Variants in STAG1 observed in about 807,000 individuals in gnomAD.
STAG1 encodes STAG1 cohesin complex component, also known as cohesin subunit SA-1.
A neutral mutation model predicts 170.9 loss-of-function variants in STAG1; 26 were observed. The ratio of observed to expected loss-of-function variants is 0.15; its 90% CI spans 0.11 to 0.21. The LOEUF (loss-of-function observed/expected upper bound fraction) is 0.21, where lower values mean the gene tolerates loss of function less well. Among genes scored for constraint, STAG1 ranks in the 10% least tolerant of loss-of-function variants. The pLI is 1.00. For missense variants in STAG1, 964 were observed against 1,509.5 expected, an observed-to-expected ratio of 0.64 and a Z score of 5.99; for synonymous variants, 514 against 497.7, an observed-to-expected ratio of 1.03 and a Z score of -0.44.
At chr3:136,550,311 CTT>C (rs150817952) in intron 5 of STAG1, among the ~76,000 whole-genome samples, 19 of 141,336 alleles carry the variant, frequency 1.3e-4, no homozygotes, top group East Asian at 2.0e-4. Flanking sequence ...TCTGTTCAGC[CTT>C]TTTTTTTTTT....
intron 1 of STAG1, among the ~76,000 whole-genome samples, chr3:136,708,942 C>T (rs1431947299): frequency 6.7e-6 from 1 of 148,724 alleles, no homozygotes; most frequent in Non-Finnish European, 1.5e-5. Context: ...GTAGTTGGAC[C>T]ACAGGCATGT....
chr3:136,375,070 G>T (rs1173343780), intron 23 of STAG1, among the ~76,000 whole-genome samples: 1 of 152,122 alleles, frequency 6.6e-6, no homozygotes, highest in East Asian at 1.9e-4. Context: ...GCATGTGGTA[G>T]GCAATACCAT....
chr3:136,748,329 C>T (rs1016318763), intron 1 of STAG1, among the ~76,000 whole-genome samples: 22 of 152,014 alleles, frequency 1.4e-4, no homozygotes, highest in Middle Eastern at 3.4e-3. Flanking sequence ...TGAACCCAGG[C>T]GGTGGAGGTT....
At chr3:136,415,322 AC>A (rs1444512727) in intron 21 of STAG1, among the ~76,000 whole-genome samples, 1 of 58,862 alleles carries the variant, frequency 1.7e-5, no homozygotes, top group Non-Finnish European at 3.7e-5. Context: ...TAAAAAAAAA[AC>A]AAAAGACAAA....
Position 136,511,126 on chromosome 3 carries a change from C to T in STAG1, c.677-8347G>A, listed in dbSNP as rs963876219. 3.9e-5 allele frequency among the ~76,000 whole-genome samples: 6 copies of T among 152,162 alleles called. No individual in the cohort carries two copies. The East Asian group carries it at 9.6e-4, about 24-fold the overall frequency. Reference sequence around the variant, plus strand: ...CATTTCCCCTGCTTGCACTCACTTCCATCCAGCTGCCCTGTGAAGAATGTG... The same window carrying T: ...CATTTCCCCTGCTTGCACTCACTTCTATCCAGCTGCCCTGTGAAGAATGTG... On this transcript the variant is annotated intron_variant, in intron 7 of 33. Transcript: ENST00000383202.
At chr3:136,677,261 C>T (rs1942154640) in intron 1 of STAG1, among the ~76,000 whole-genome samples, 13 of 152,114 alleles carry the variant, frequency 8.5e-5, no homozygotes, top group Admixed American at 8.5e-4. Flanking sequence ...TTTATACCAG[C>T]ATCACCACAA....
chr3:136,394,929 ACT>A (rs1221008505), intron 22 of STAG1, among the ~76,000 whole-genome samples: 3 of 136,068 alleles, frequency 2.2e-5, no homozygotes, highest in Non-Finnish European at 4.6e-5. Context: ...CTCTAGCGAG[ACT>A]CTGTCTCAAA....
chr3:136,383,569 T>G (rs916906676), intron 22 of STAG1, among the ~76,000 whole-genome samples: 1 of 152,204 alleles, frequency 6.6e-6, no homozygotes, highest in African/African-American at 2.4e-5. Context: ...CACTTACTAC[T>G]TGCCAGGCAC....
chr3:136,616,675 A>G (rs1939611204), intron 3 of STAG1, among the ~76,000 whole-genome samples: 1 of 152,108 alleles, frequency 6.6e-6, no homozygotes, highest in Non-Finnish European at 1.5e-5. Context: ...TAGGAGTCCT[A>G]CTGGGCAGAC....
intron 5 of STAG1, among the ~76,000 whole-genome samples, chr3:136,560,979 C>G (rs1160055709): frequency 1.3e-5 from 2 of 152,014 alleles, no homozygotes; most frequent in African/African-American, 4.8e-5. Context: ...TGCTCTCTTC[C>G]CACTTCAGGT....
intron 1 of STAG1, among the ~76,000 whole-genome samples, chr3:136,706,876 G>A (rs1943241732): frequency 6.6e-6 from 1 of 152,096 alleles, no homozygotes; most frequent in African/African-American, 2.4e-5. Flanking sequence ...ATAGACCAAT[G>A]GAATAGAATG....
At chr3:136,655,709 G>C (rs1941349206) in intron 1 of STAG1, among the ~76,000 whole-genome samples, 1 of 151,928 alleles carries the variant, frequency 6.6e-6, no homozygotes, top group Non-Finnish European at 1.5e-5. Context: ...GTCACAGTGA[G>C]CCAAGATCAC....
chr3:136,509,538 C>T (rs1040024037), intron 7 of STAG1, among the ~76,000 whole-genome samples: 28 of 151,620 alleles, frequency 1.8e-4, no homozygotes, highest in Admixed American at 6.6e-5. Context: ...AGGAAGTTGA[C>T]GGTATGAAGG....
intron 13 of STAG1, among the ~76,000 whole-genome samples, chr3:136,454,784 C>T: frequency 6.6e-6 from 1 of 152,166 alleles, no homozygotes; most frequent in South Asian, 2.1e-4. Flanking sequence ...TGTAGTAAAA[C>T]ATTCATTTCA....
intron 13 of STAG1, among the ~76,000 whole-genome samples, chr3:136,459,025 C>G (rs1012646413): frequency 6.6e-6 from 1 of 151,996 alleles, no homozygotes; most frequent in Non-Finnish European, 1.5e-5. Context: ...GGAGACCATC[C>G]TGGCCAACAT....
intron 10 of STAG1, among the ~76,000 whole-genome samples, chr3:136,475,394 G>A (rs776485735): frequency 6.6e-6 from 1 of 152,046 alleles, no homozygotes; most frequent in Non-Finnish European, 1.5e-5. Flanking sequence ...TGATCCGCCT[G>A]TCTCTGCCTC....
chr3:136,513,600 C>T lies in STAG1; in HGVS notation c.676+7613G>A, dbSNP rs1026770288. On this transcript the variant is annotated intron_variant, in intron 7 of 33. Transcript: ENST00000383202. ...ATCACAACCAGAAGTCTAAAATTAGCACTGGACTTCTCAACAGCAACTTTG... is the reference window on the plus strand; with the variant it reads ...ATCACAACCAGAAGTCTAAAATTAGTACTGGACTTCTCAACAGCAACTTTG... Among the ~76,000 whole-genome samples the T allele has an allele frequency of 4.6e-5, 7 of 151,982 alleles. No individual in the cohort carries two copies. The East Asian group carries it at 1.4e-3, about 29-fold the overall frequency.
chr3:136,740,302 T>C (rs770468407), intron 1 of STAG1, among the ~76,000 whole-genome samples: 65 of 152,116 alleles, frequency 4.3e-4, no homozygotes, highest in Admixed American at 5.2e-4. Context: ...GGTCAAGAAA[T>C]AGACTACTAC....
intron 1 of STAG1, among the ~76,000 whole-genome samples, chr3:136,742,848 G>C (rs1004247895): frequency 2.6e-5 from 4 of 152,100 alleles, no homozygotes; most frequent in African/African-American, 9.7e-5. Context: ...GAGTAATGTA[G>C]CAGTGCTTAG....
Sources: gnomAD v4.1 joint callset for allele counts (sites outside exome capture counted in the v4.1 genomes callset) on GRCh38, gnomAD v4.1.1 for gene constraint, MANE v1.5 for transcripts, NCBI Gene and HGNC (gene_info 2026-07-23, HGNC 2026-07-21) for gene names.